Variants in ABCC4 observed in about 807,000 individuals in gnomAD.
ABCC4 encodes ATP binding cassette subfamily C member 4 (PEL blood group).
A neutral mutation model predicts 168.5 loss-of-function variants in ABCC4; 102 were observed. The observed-to-expected ratio is 0.61, with a 90% CI of 0.52 to 0.71. The LOEUF is 0.71. ABCC4 is among the 30% of genes least tolerant of loss of function. The probability of loss-of-function intolerance (pLI) is 0.00; values close to 1 mark genes in which losing one functional copy is unlikely to be tolerated. For synonymous variants in ABCC4, 617 were observed against 590.7 expected, an observed-to-expected ratio of 1.04 and a Z score of -0.65; for missense variants, 1,402 against 1,605.8, an observed-to-expected ratio of 0.87 and a Z score of 2.17.
chr13:95,092,615 T>C (rs930965683), intron 20 of ABCC4, among the ~76,000 whole-genome samples: 3 of 151,962 alleles, frequency 2.0e-5, no homozygotes, highest in East Asian at 1.9e-4. Flanking sequence ...AACACCTGCA[T>C]TGAAAAAGCT....
chr13:95,107,283 A>C (rs910555246), intron 20 of ABCC4, among the ~76,000 whole-genome samples: 12 of 152,272 alleles, frequency 7.9e-5, no homozygotes, highest in African/African-American at 2.9e-4. Flanking sequence ...ACAAAACTAG[A>C]GTATTCAAAG....
At chr13:95,057,858 C>T (rs943909310) in intron 26 of ABCC4, among the ~76,000 whole-genome samples, 10 of 152,252 alleles carry the variant, frequency 6.6e-5, no homozygotes, top group African/African-American at 1.4e-4. Context: ...AGATTCCCTA[C>T]ATCAGTGTGT....
intron 8 of ABCC4, among the ~76,000 whole-genome samples, 155 bp from the exon 9 acceptor site, chr13:95,195,092 T>A (rs2038374989): frequency 6.6e-6 from 1 of 152,218 alleles, no homozygotes; most frequent in Non-Finnish European, 1.5e-5. Context: ...CATCAGCATA[T>A]GATATTTATT....
chr13:95,112,541 T>C (rs1006313950), intron 20 of ABCC4, among the ~76,000 whole-genome samples: 4 of 152,312 alleles, frequency 2.6e-5, no homozygotes, highest in African/African-American at 9.6e-5. Context: ...TTAATCTTCA[T>C]TCTATTTGTT....
chr13:95,039,869 A>G (rs551141627), intron 29 of ABCC4, among the ~76,000 whole-genome samples: 2 of 152,320 alleles, frequency 1.3e-5, no homozygotes, highest in South Asian at 4.1e-4. Flanking sequence ...ATAGGAAAAG[A>G]AAAGCTCGGA....
intron 20 of ABCC4, among the ~76,000 whole-genome samples, chr13:95,095,286 T>TTACCTATCTATC: frequency 6.8e-6 from 1 of 146,418 alleles, no homozygotes; most frequent in East Asian, 2.0e-4. Context: ...AACTGTGAGA[T>TTACCTATCTATC]TATCTATCTA....
intron 1 of ABCC4, among the ~76,000 whole-genome samples, chr13:95,290,828 A>T (rs2041380846): frequency 1.3e-5 from 2 of 150,744 alleles, no homozygotes; most frequent in Admixed American, 1.3e-4. Flanking sequence ...AAATAAAAAT[A>T]AAAAATACAA....
chr13:95,226,627 C>T (rs575605750), intron 4 of ABCC4, among the ~76,000 whole-genome samples: 2 of 152,302 alleles, frequency 1.3e-5, no homozygotes, highest in Non-Finnish European at 2.9e-5. Context: ...GGTCTGACTG[C>T]TCTGAGTCCA....
At chr13:95,093,703 C>T (rs2034506282) in intron 20 of ABCC4, among the ~76,000 whole-genome samples, 1 of 152,014 alleles carries the variant, frequency 6.6e-6, no homozygotes, top group South Asian at 2.1e-4. Context: ...ATCAATCAGA[C>T]AAAAGAAAGA....
At chr13:95,061,670 A>T (rs1172836756) in intron 26 of ABCC4, among the ~76,000 whole-genome samples, 5 of 21,820 alleles carry the variant, frequency 2.3e-4, no homozygotes, top group Admixed American at 9.7e-4. Flanking sequence ...ATAGAGTGTT[A>T]AAAAAAAAAA....
At chr13:95,294,774 G>A (rs1566608036) in intron 1 of ABCC4, among the ~76,000 whole-genome samples, 1 of 152,060 alleles carries the variant, frequency 6.6e-6, no homozygotes, top group East Asian at 1.9e-4. Context: ...ACAACATGTT[G>A]AAACCCCATC....
chr13:95,240,447 C>T (rs2039905132), intron 3 of ABCC4, among the ~76,000 whole-genome samples: 2 of 152,026 alleles, frequency 1.3e-5, no homozygotes. Flanking sequence ...AGGAGAATCA[C>T]TTGAACCCAG....
chr13:95,073,066 G>A, intron 24 of ABCC4, 138 bp downstream of exon 24: 1 of 611,286 alleles, frequency 1.6e-6, no homozygotes, highest in Admixed American at 3.0e-5. Context: ...ACTTTAAACA[G>A]ATGGAGGAAG....
At chr13:95,108,961 C>A (rs1252063829) in intron 20 of ABCC4, among the ~76,000 whole-genome samples, 1 of 152,106 alleles carries the variant, frequency 6.6e-6, no homozygotes, top group Admixed American at 6.5e-5. Context: ...TATGCTGGTC[C>A]AGTCATTAGC....
chr13:95,037,908 C>T (rs1322944125), intron 29 of ABCC4, among the ~76,000 whole-genome samples: 2 of 152,074 alleles, frequency 1.3e-5, no homozygotes, highest in African/African-American at 4.8e-5. Flanking sequence ...CTCTGTTACC[C>T]AGACTGGAGT....
chr13:95,154,771 C>A (rs1329040888), intron 19 of ABCC4, among the ~76,000 whole-genome samples: 1 of 152,156 alleles, frequency 6.6e-6, no homozygotes, highest in East Asian at 1.9e-4. Context: ...GCCATCTTAC[C>A]CCCTAGCTTA....
At chr13:95,177,867 A>C in intron 12 of ABCC4, 74 bp from the exon 13 acceptor site, 1 of 1,514,206 alleles carries the variant, frequency 6.6e-7, no homozygotes, top group South Asian at 1.1e-5. Flanking sequence ...TGTTCATTCA[A>C]ATGCCAACAG....
intron 30 of ABCC4, among the ~76,000 whole-genome samples, chr13:95,022,246 G>C (rs1468848655): frequency 6.6e-6 from 1 of 152,134 alleles, no homozygotes. Flanking sequence ...CCACAATAAT[G>C]AAAAGAGAAG....
intron 19 of ABCC4, among the ~76,000 whole-genome samples, chr13:95,144,752 G>C (rs540640764): frequency 6.6e-6 from 1 of 152,112 alleles, no homozygotes; most frequent in East Asian, 1.9e-4. Flanking sequence ...ACAAACAAAT[G>C]GAAATATATT....
Sources: allele counts gnomAD v4.1 joint callset (sites outside exome capture counted in the v4.1 genomes callset), GRCh38; gene constraint gnomAD v4.1.1; transcripts MANE v1.5; gene names NCBI Gene and HGNC (gene_info 2026-07-23, HGNC 2026-07-21).